The following UPF2 variants were observed in gnomAD, a reference collection of about 807,000 sequenced individuals.
The protein encoded by UPF2 is UPF2 regulator of nonsense mediated mRNA decay.
In UPF2, 17 loss-of-function variants were observed where a neutral mutation model predicts 141.4. The ratio of observed to expected loss-of-function variants is 0.12; its 90% CI spans 0.08 to 0.18. The LOEUF is 0.18. Among genes scored for constraint, UPF2 ranks in the 10% least tolerant of loss-of-function variants. The pLI, the probability that UPF2 is intolerant of heterozygous loss-of-function variation, is 1.00. For synonymous variants in UPF2, 540 were observed against 498.0 expected (o/e 1.08, Z -1.12); for missense variants, 1,152 against 1,515.9 (o/e 0.76, Z 3.99).
At chr10:12,040,490 G>A (rs1477839667) in intron 1 of UPF2, among the ~76,000 whole-genome samples, 2 of 152,072 alleles carry the variant, frequency 1.3e-5, no homozygotes, top group South Asian at 4.1e-4. Context: ...TAATAAAACA[G>A]ATTCTCCGTA....
intron 5 of UPF2, among the ~76,000 whole-genome samples, chr10:12,003,433 GGAAGGCAA>G (rs1181943657): frequency 6.6e-6 from 1 of 152,144 alleles, no homozygotes; most frequent in African/African-American, 2.4e-5. Context: ...GAACAATGCA[GGAAGGCAA>G]GAAGGCAAGA....
rs1473366793 is a variant in UPF2 at position 11,936,583 on chromosome 10, G to A, written c.3508C>T (p.Pro1170Ser). The A allele has an allele frequency of 6.2e-7, 1 of 1,610,210 alleles. No homozygotes were observed. Among genetic ancestry groups the A allele is most frequent in the Non-Finnish European group, 8.5e-7 (1 of 1,178,750 alleles). Residue 1170 changes from proline to serine, a missense_variant, in exon 19 of 22, where the codon CCG (proline) becomes TCG (serine). This residue lies in a region of UPF2 where 202 missense variants were observed against 223.6 expected (regional missense o/e 0.90). Transcript: ENST00000357604. This position sits in a 1 kb window ranked among gnomAD's most constrained non-coding sequence, Gnocchi z 6.6. ...CCTTTTCTTGTTAACATGACAAACG[G>A]CATTGTGTCTGCAGACTCAGCCTCT... ...EGEAESADTMPFVMLTRKGNK... is the reference protein window; with the variant it reads ...EGEAESADTMSFVMLTRKGNK...
At position 11,983,419 on chromosome 10, in the gene UPF2, C is replaced by T. The variant is rs144411505; in HGVS notation, c.1845-4254G>A. 4.8e-3 allele frequency among the ~76,000 whole-genome samples: 736 copies of T among 152,268 alleles called. 7 individuals are homozygous for T. Among genetic ancestry groups the T allele is most frequent in the African/African-American group, 0.014 (580 of 41,550 alleles). ...ATGGAGTCTCGCTCTGCCGCCCAGG[C>T]TGGAGTGCAGTGGCATGATCTCGGC... On this transcript the variant is annotated intron_variant, in intron 8 of 21. Coordinates refer to ENST00000357604, the MANE Select transcript of UPF2 (RefSeq NM_015542.4).
At chr10:11,986,036 C>G (rs1441020936) in intron 8 of UPF2, among the ~76,000 whole-genome samples, 1 of 151,744 alleles carries the variant, frequency 6.6e-6, no homozygotes, top group Non-Finnish European at 1.5e-5. Flanking sequence ...AGGCGCCCGC[C>G]ACCAAGCCCG....
chr10:11,947,644 G>A (rs1833018521), intron 16 of UPF2, among the ~76,000 whole-genome samples: 1 of 151,222 alleles, frequency 6.6e-6, no homozygotes, highest in Non-Finnish European at 1.5e-5. Context: ...ATAATTAGCT[G>A]GGCATGGTAG....
chr10:12,042,841 C>G (rs887468169), upstream of UPF2: 1 of 152,130 alleles, frequency 6.6e-6, no homozygotes, highest in African/African-American at 2.4e-5. The surrounding 1 kb of genome is among the most constrained non-coding windows in gnomAD (Gnocchi z 5.5). Context: ...CCACCTATCT[C>G]GCAGCCGAGG....
chr10:11,996,188 A>G (rs1231879211), intron 8 of UPF2, among the ~76,000 whole-genome samples: 1 of 152,192 alleles, frequency 6.6e-6, no homozygotes, highest in Non-Finnish European at 1.5e-5. Context: ...GAATGAGTAC[A>G]TTTTAGAATA....
chr10:11,984,087 C>A (rs1833645435), intron 8 of UPF2, among the ~76,000 whole-genome samples: 1 of 152,044 alleles, frequency 6.6e-6, no homozygotes, highest in Non-Finnish European at 1.5e-5. Context: ...CCACACCCAG[C>A]TAAGTGTGTA....
chr10:11,945,088 G>C (rs1832984491), intron 16 of UPF2, among the ~76,000 whole-genome samples: 1 of 152,212 alleles, frequency 6.6e-6, no homozygotes, highest in Non-Finnish European at 1.5e-5. Flanking sequence ...GCTATTATAA[G>C]AATGAATCTT....
intron 2 of UPF2, among the ~76,000 whole-genome samples, chr10:12,030,413 A>C (rs995055646): frequency 3.3e-5 from 5 of 151,998 alleles, no homozygotes; most frequent in Non-Finnish European, 7.4e-5. Flanking sequence ...GGGCACCTGT[A>C]ATCTCAGCTA....
At chr10:11,943,244 C>A in intron 16 of UPF2, 76 bp from the exon 17 acceptor site, 1 of 1,221,834 alleles carries the variant, frequency 8.2e-7, no homozygotes, top group Non-Finnish European at 1.2e-6. Context: ...AAAAAGATTT[C>A]AAAACTTCTG....
intron 1 of UPF2, among the ~76,000 whole-genome samples, chr10:12,037,253 T>C (rs1176904832): frequency 2.6e-5 from 4 of 152,022 alleles, no homozygotes; most frequent in Non-Finnish European, 5.9e-5. Context: ...TCCAGGTAAT[T>C]GTATTTTTAG....
chr10:11,946,190 C>A (rs924267110), intron 16 of UPF2, among the ~76,000 whole-genome samples: 1 of 152,136 alleles, frequency 6.6e-6, no homozygotes, highest in African/African-American at 2.4e-5. Flanking sequence ...CACAACCAAT[C>A]CTTTTTAACT....
intron 8 of UPF2, among the ~76,000 whole-genome samples, chr10:11,981,872 G>A (rs1833601543): frequency 1.3e-5 from 2 of 152,160 alleles, no homozygotes; most frequent in Non-Finnish European, 2.9e-5. Flanking sequence ...TTTTAGCAGA[G>A]ACAGGGTTTC....
At chr10:11,942,627 T>C (rs1030644573) in intron 18 of UPF2, 38 bp downstream of exon 18, 19 of 1,578,970 alleles carry the variant, frequency 1.2e-5, no homozygotes, top group Non-Finnish European at 1.6e-5. Flanking sequence ...CAATGTTTTG[T>C]ATTGAGAAGA....
chr10:11,999,399 G>A (rs918173468), intron 7 of UPF2, among the ~76,000 whole-genome samples: 3 of 151,194 alleles, frequency 2.0e-5, no homozygotes, highest in African/African-American at 7.3e-5. Context: ...TGTAATCCCA[G>A]CTACTCGAGA....
chr10:12,038,606 G>A (rs1299270128), intron 1 of UPF2, among the ~76,000 whole-genome samples: 2 of 151,670 alleles, frequency 1.3e-5, no homozygotes, highest in Admixed American at 1.3e-4. Flanking sequence ...GAGGGTGCCT[G>A]TAATCCCAGC....
chr10:12,032,815 A>G (rs905109990), intron 2 of UPF2, among the ~76,000 whole-genome samples: 1 of 151,820 alleles, frequency 6.6e-6, no homozygotes, highest in African/African-American at 2.4e-5. Flanking sequence ...AGCTTTGCAG[A>G]CCTAAGGCTT....
chr10:11,981,767 C>G (rs1347903213), intron 8 of UPF2, among the ~76,000 whole-genome samples: 2 of 152,114 alleles, frequency 1.3e-5, no homozygotes, highest in East Asian at 1.9e-4. Flanking sequence ...CTCACTGCAA[C>G]CTCCGCCTCC....
Sources: allele counts gnomAD v4.1 joint callset (sites outside exome capture counted in the v4.1 genomes callset), GRCh38; gene constraint gnomAD v4.1.1; regional missense constraint gnomAD v4.1.1; non-coding constraint Gnocchi (gnomAD v3.1); transcripts MANE v1.5; gene names NCBI Gene and HGNC (gene_info 2026-07-23, HGNC 2026-07-21).